SPAG16: variants seen among roughly 807,000 people sequenced by gnomAD.
SPAG16 encodes the protein sperm associated antigen 16, also known as sperm-associated antigen 16 protein.
SPAG16 carries 86 observed loss-of-function variants against 80.4 expected under a neutral mutation model. The ratio of observed to expected loss-of-function variants is 1.07; its 90% confidence interval spans 0.90 to 1.28. The LOEUF is 1.28. SPAG16 is among the 50% of genes most tolerant of loss of function. The pLI is 0.00. For missense variants in SPAG16, 870 were observed against 765.3 expected (o/e 1.14, Z -1.61); for synonymous variants, 294 against 265.9 (o/e 1.11, Z -1.03).
intron 14 of SPAG16, among the ~76,000 whole-genome samples, chr2:214,138,457 T>C (rs1231089814): frequency 6.6e-6 from 1 of 152,120 alleles, no homozygotes; most frequent in Non-Finnish European, 1.5e-5. Context: ...GAAAAGACAA[T>C]TCAGCCATTC....
chr2:214,351,978 C>T (rs540934351), intron 15 of SPAG16, among the ~76,000 whole-genome samples: 4 of 152,204 alleles, frequency 2.6e-5, no homozygotes, highest in African/African-American at 9.6e-5. Flanking sequence ...AGTCCAAGAT[C>T]AAAATGCCAA....
At chr2:213,286,136 T>C (rs1411861389) in intron 1 of SPAG16, among the ~76,000 whole-genome samples, 2 of 152,212 alleles carry the variant, frequency 1.3e-5, no homozygotes, top group Non-Finnish European at 2.9e-5. Flanking sequence ...GATGTAGCAG[T>C]TTGCAAACCT....
chr2:214,094,380 T>C (rs990813036), intron 13 of SPAG16, among the ~76,000 whole-genome samples: 6 of 152,118 alleles, frequency 3.9e-5, no homozygotes, highest in African/African-American at 1.4e-4. Flanking sequence ...AAGTACATGT[T>C]AGAATCACAT....
At chr2:213,989,889 A>G (rs975210135) in intron 12 of SPAG16, among the ~76,000 whole-genome samples, 1 of 152,184 alleles carries the variant, frequency 6.6e-6, no homozygotes, top group African/African-American at 2.4e-5. Context: ...CTTAGGAAGT[A>G]CAATGTTATT....
At chr2:213,458,574 A>T (rs2072176028) in intron 9 of SPAG16, among the ~76,000 whole-genome samples, 1 of 152,222 alleles carries the variant, frequency 6.6e-6, no homozygotes, top group African/African-American at 2.4e-5. Context: ...TCAGTCTAAA[A>T]AAATAAATAA....
At chr2:213,714,405 C>T (rs915773785) in intron 10 of SPAG16, among the ~76,000 whole-genome samples, 35 of 151,944 alleles carry the variant, frequency 2.3e-4, no homozygotes, top group African/African-American at 7.5e-4. Context: ...TCTTCTCACC[C>T]TTTTTTTTCT....
intron 12 of SPAG16, among the ~76,000 whole-genome samples, chr2:213,971,608 A>G (rs2045062010): frequency 6.6e-6 from 1 of 152,174 alleles, no homozygotes; most frequent in Admixed American, 6.5e-5. Context: ...AGAATTTTTT[A>G]TCACCCCAAA....
intron 10 of SPAG16, among the ~76,000 whole-genome samples, chr2:213,724,010 G>A (rs114485213): frequency 0.018 from 2,781 of 152,280 alleles, 79 homozygotes; most frequent in African/African-American, 0.064. Context: ...TAAACCACAG[G>A]CACATTGCTT....
At chr2:213,587,508 G>A (rs2124896812) in intron 10 of SPAG16, among the ~76,000 whole-genome samples, 1 of 152,312 alleles carries the variant, frequency 6.6e-6, no homozygotes, top group Admixed American at 6.5e-5. Context: ...TGTGATAGGA[G>A]GGGCAGCTCC....
chr2:213,888,538 G>T (rs959166685), intron 11 of SPAG16, among the ~76,000 whole-genome samples: 1 of 151,438 alleles, frequency 6.6e-6, no homozygotes, highest in Non-Finnish European at 1.5e-5. Flanking sequence ...AAATAAATAT[G>T]TTATATATTA....
chr2:213,993,876 G>T (rs977699479), intron 12 of SPAG16, among the ~76,000 whole-genome samples: 1 of 152,104 alleles, frequency 6.6e-6, no homozygotes, highest in Admixed American at 6.5e-5. Flanking sequence ...AAACAAACTG[G>T]CATTTTCATA....
intron 15 of SPAG16, among the ~76,000 whole-genome samples, chr2:214,183,307 C>T (rs1049786285): frequency 5.9e-5 from 9 of 151,910 alleles, no homozygotes; most frequent in Non-Finnish European, 4.4e-5. Flanking sequence ...GACTTTCACT[C>T]AGGGACAAAG....
At chr2:214,049,854 T>A (rs554488706) in intron 13 of SPAG16, among the ~76,000 whole-genome samples, 38 of 152,278 alleles carry the variant, frequency 2.5e-4, no homozygotes, top group South Asian at 6.2e-4. Flanking sequence ...TAAACTTTTT[T>A]AAAAAAATAC....
intron 15 of SPAG16, among the ~76,000 whole-genome samples, chr2:214,241,978 T>C (rs895076408): frequency 5.9e-5 from 9 of 152,198 alleles, no homozygotes; most frequent in African/African-American, 2.2e-4. Context: ...TTAAATTGTC[T>C]GGTATAGCTT....
chr2:214,214,109 T>G (rs368579345), intron 15 of SPAG16, among the ~76,000 whole-genome samples: 5 of 152,236 alleles, frequency 3.3e-5, no homozygotes, highest in Admixed American at 1.3e-4. Flanking sequence ...GGAAACAATT[T>G]GCTTTCTTAT....
chr2:213,913,593 A>ACG lies in SPAG16; in HGVS notation c.1215-16367_1215-16366insCG, dbSNP rs1351612456. ...TGTATATATATGTACATGTACATAT[A>ACG]TGTATATGTACATGTACATATATGT... On this transcript the variant is annotated intron_variant, in intron 11 of 15. Transcript: ENST00000331683. 5.2e-3 allele frequency among the ~76,000 whole-genome samples: 34 copies of ACG among 6,512 alleles called. 3 individuals are homozygous for ACG. The highest frequency in any genetic ancestry group is 7.1e-3 in the African/African-American group (32 of 4,486). 4.3% of individuals were successfully genotyped at this position (6,512 alleles called of 152,430 possible).
chr2:213,352,233 A>G (rs75345566), intron 7 of SPAG16, among the ~76,000 whole-genome samples: 1 of 151,296 alleles, frequency 6.6e-6, no homozygotes. Flanking sequence ...GTATTTCCTC[A>G]TAGTGGTGTG....
Position 213,306,247 on chromosome 2 carries a change from A to C in SPAG16, c.280-3812A>C, listed in dbSNP as rs563132973. On this transcript the variant is annotated intron_variant, in intron 3 of 15. Coordinates refer to ENST00000331683, the MANE Select transcript of SPAG16 (RefSeq NM_024532.5). Reference sequence around the variant, plus strand: ...CTTTAAAAAAATTTTTTTTTGGCTAATGTTTTGTCAATTTTGTTTATCTTT... The same window carrying C: ...CTTTAAAAAAATTTTTTTTTGGCTACTGTTTTGTCAATTTTGTTTATCTTT... 1.5e-3 allele frequency among the ~76,000 whole-genome samples: 225 copies of C among 149,524 alleles called. 1 individual carries two copies. The highest frequency in any genetic ancestry group is 5.2e-3 in the African/African-American group (213 of 40,612).
chr2:213,368,045 A>G (rs2066413722), intron 8 of SPAG16, among the ~76,000 whole-genome samples: 1 of 150,282 alleles, frequency 6.7e-6, no homozygotes, highest in African/African-American at 2.5e-5. Flanking sequence ...TAAATAGGGA[A>G]TCCTTTCCCC....
Sources: gnomAD v4.1 joint callset for allele counts (sites outside exome capture counted in the v4.1 genomes callset) on GRCh38, gnomAD v4.1.1 for gene constraint, MANE v1.5 for transcripts, NCBI Gene and HGNC (gene_info 2026-07-23, HGNC 2026-07-21) for gene names.